Variants in CDYL2 observed in about 807,000 individuals in gnomAD.
CDYL2 encodes the protein chromodomain Y-like protein 2.
In CDYL2, 23 loss-of-function variants were observed where a neutral mutation model predicts 49.4. The observed-to-expected ratio is 0.47, with a 90% CI of 0.34 to 0.66. The LOEUF is 0.66. Ranked by LOEUF, CDYL2 falls within the 30% of genes least tolerant of loss-of-function variation. The pLI, the probability that CDYL2 is intolerant of heterozygous loss-of-function variation, is 0.01. For synonymous variants in CDYL2, 360 were observed against 268.8 expected, an observed-to-expected ratio of 1.34 and a Z score of -3.32; for missense variants, 678 against 656.4, an observed-to-expected ratio of 1.03 and a Z score of -0.36.
At chr16:80,802,342 C>CCCTA (rs1907951617) in intron 1 of CDYL2, among the ~76,000 whole-genome samples, 4 of 152,204 alleles carry the variant, frequency 2.6e-5, no homozygotes, top group Admixed American at 2.6e-4. Flanking sequence ...TGATTCCAAC[C>CCCTA]AGATCACTTT....
intron 3 of CDYL2, among the ~76,000 whole-genome samples, chr16:80,621,751 T>C (rs1907093777): frequency 6.6e-6 from 1 of 152,212 alleles, no homozygotes; most frequent in African/African-American, 2.4e-5. Flanking sequence ...CACCCTGCCA[T>C]CATGGGACAA....
chr16:80,608,339 A>T, intron 5 of CDYL2, 104 bp from the exon 6 acceptor site: 1 of 1,279,348 alleles, frequency 7.8e-7, no homozygotes, highest in Non-Finnish European at 1.0e-6. Context: ...TCTGGAAGGC[A>T]TCTTGCCTTC....
intron 4 of CDYL2, among the ~76,000 whole-genome samples, chr16:80,616,989 G>A (rs1194389966): frequency 1.3e-5 from 2 of 152,140 alleles, no homozygotes; most frequent in Non-Finnish European, 2.9e-5. Flanking sequence ...CTGCTTCCAG[G>A]GGCCATGTGG....
chr16:80,765,414 T>A (rs973326514), intron 1 of CDYL2, among the ~76,000 whole-genome samples: 1 of 151,636 alleles, frequency 6.6e-6, no homozygotes, highest in African/African-American at 2.4e-5. Flanking sequence ...AGATTTGACA[T>A]GGATCTGAAA....
intron 6 of CDYL2, 120 bp from the exon 7 acceptor site, chr16:80,604,666 C>G: frequency 9.7e-7 from 1 of 1,033,224 alleles, no homozygotes; most frequent in Non-Finnish European, 1.5e-6. Context: ...AGGCTGCCTC[C>G]TCCAGCCTGG....
chr16:80,803,916 GAGAGAA>G (rs1431899012), intron 1 of CDYL2, among the ~76,000 whole-genome samples: 1 of 144,690 alleles, frequency 6.9e-6, no homozygotes, highest in Non-Finnish European at 1.5e-5. Context: ...GTGTGTGTGC[GAGAGAA>G]AGAGAAAGAG....
chr16:80,726,067 A>G (rs954821913), intron 1 of CDYL2, among the ~76,000 whole-genome samples: 4 of 152,254 alleles, frequency 2.6e-5, no homozygotes, highest in African/African-American at 4.8e-5. Flanking sequence ...TTTAAGTTCA[A>G]AAATAATTTG....
intron 1 of CDYL2, among the ~76,000 whole-genome samples, chr16:80,723,926 T>G (rs1188708623): frequency 3.8e-3 from 357 of 93,168 alleles, no homozygotes; most frequent in Middle Eastern, 8.3e-3. Context: ...GGAGAAGGAG[T>G]GGAGAAGAAG....
chr16:80,651,661 T>C (rs151076530), intron 2 of CDYL2, among the ~76,000 whole-genome samples: 93 of 152,304 alleles, frequency 6.1e-4, no homozygotes, highest in African/African-American at 2.1e-3. Context: ...AAAGAATCCA[T>C]CTGAATTATA....
chr16:80,633,245 A>G lies in CDYL2; in HGVS notation c.617-9T>C, dbSNP rs764383895. On this transcript the variant is annotated splice_polypyrimidine_tract_variant and intron_variant, in intron 2 of 6. Transcript: ENST00000570137. ...GTTGGTCAGAGCAGAGCCTTCCAAAACCAGATAAACAATGTAAGAAACTGA... is the reference window on the plus strand; with the variant it reads ...GTTGGTCAGAGCAGAGCCTTCCAAAGCCAGATAAACAATGTAAGAAACTGA... The G allele has an allele frequency of 3.0e-5, 49 of 1,607,612 alleles. No homozygotes were observed. The highest frequency in any genetic ancestry group is 8.4e-5 in the Admixed American group (5 of 59,766).
At chr16:80,673,944 C>T (rs909138199) in intron 2 of CDYL2, among the ~76,000 whole-genome samples, 7 of 152,068 alleles carry the variant, frequency 4.6e-5, no homozygotes, top group East Asian at 1.9e-4. Flanking sequence ...GACCACGAGC[C>T]GAGGAGAACG....
intron 1 of CDYL2, among the ~76,000 whole-genome samples, chr16:80,788,459 G>A (rs1048726829): frequency 2.6e-5 from 4 of 152,200 alleles, no homozygotes; most frequent in Non-Finnish European, 5.9e-5. Context: ...CTGTTTTTGT[G>A]CCATAAGCAT....
chr16:80,744,918 G>A (rs1331993099), intron 1 of CDYL2, among the ~76,000 whole-genome samples: 1 of 152,174 alleles, frequency 6.6e-6, no homozygotes, highest in Non-Finnish European at 1.5e-5. Flanking sequence ...CAGTGCCACT[G>A]AGCCACCTGT....
At chr16:80,723,671 A>G (rs149809498) in intron 1 of CDYL2, among the ~76,000 whole-genome samples, 14 of 152,340 alleles carry the variant, frequency 9.2e-5, no homozygotes, top group Admixed American at 2.6e-4. Flanking sequence ...CAGTAAATAA[A>G]GTTTTATTGA....
intron 1 of CDYL2, among the ~76,000 whole-genome samples, chr16:80,748,567 ACTCAACACTCAGAGCCTT>A (rs1906020306): frequency 6.8e-6 from 1 of 147,904 alleles, no homozygotes. Flanking sequence ...AGAGCTATTC[ACTCAACACTCAGAGCCTT>A]GGTTTGCACA....
chr16:80,636,372 A>G (rs938351753), intron 2 of CDYL2, among the ~76,000 whole-genome samples: 1 of 152,180 alleles, frequency 6.6e-6, no homozygotes, highest in African/African-American at 2.4e-5. Context: ...GAAAAAACCC[A>G]AACAACCCCA....
chr16:80,736,999 T>C (rs978735852), intron 1 of CDYL2, among the ~76,000 whole-genome samples: 2 of 152,240 alleles, frequency 1.3e-5, no homozygotes, highest in Admixed American at 1.3e-4. Flanking sequence ...GCTGAGACTC[T>C]GCCTTTCTTT....
Position 80,600,925 on chromosome 16 carries a change from T to C in CDYL2, c.*3463A>G, listed in dbSNP as rs1440432160. 1 of 152,232 alleles carries C rather than the reference T, an allele frequency of 6.6e-6. No homozygotes were observed. Among genetic ancestry groups the C allele is most frequent in the Non-Finnish European group, 1.5e-5 (1 of 68,038 alleles). 9.4% of individuals were successfully genotyped at this position (152,232 alleles called of 1,614,324 possible). On this transcript the variant is annotated 3_prime_UTR_variant, in exon 7 of 7. Transcript: ENST00000570137. Reference sequence around the variant, plus strand: ...GTCTACTGTGATTATTATTTTTCCATCCTTGTACTAAACTTCACATGGGAA... The same window carrying C: ...GTCTACTGTGATTATTATTTTTCCACCCTTGTACTAAACTTCACATGGGAA...
chr16:80,630,851 C>A (rs981195225), intron 3 of CDYL2, among the ~76,000 whole-genome samples: 5 of 152,122 alleles, frequency 3.3e-5, no homozygotes, highest in African/African-American at 1.2e-4. Flanking sequence ...CACAGCACCT[C>A]CCTCCCCACC....
Sources: allele counts gnomAD v4.1 joint callset (sites outside exome capture counted in the v4.1 genomes callset), GRCh38; gene constraint gnomAD v4.1.1; transcripts MANE v1.5; gene names NCBI Gene and HGNC (gene_info 2026-07-23, HGNC 2026-07-21).